The following TECPR2 variants were observed in gnomAD, a reference collection of about 807,000 sequenced individuals.
TECPR2 encodes tectonin beta-propeller repeat-containing protein 2.
TECPR2 carries 65 observed loss-of-function variants against 138.1 expected under a neutral mutation model. The ratio of observed to expected loss-of-function variants is 0.47; its 90% confidence interval spans 0.39 to 0.58. The LOEUF (loss-of-function observed/expected upper bound fraction) is 0.58, where lower values mean the gene tolerates loss of function less well. Among genes scored for constraint, TECPR2 ranks in the 20% least tolerant of loss-of-function variants. The pLI is 0.00. For missense variants in TECPR2, 1,553 were observed against 1,824.5 expected, an observed-to-expected ratio of 0.85 and a Z score of 2.71; for synonymous variants, 746 against 749.8, an observed-to-expected ratio of 0.99 and a Z score of 0.08.
intron 2 of TECPR2, among the ~76,000 whole-genome samples, chr14:102,397,200 G>T (rs1192808367): frequency 6.6e-6 from 1 of 152,096 alleles, no homozygotes; most frequent in African/African-American, 2.4e-5. Flanking sequence ...TAAACAAAAA[G>T]AATCACACAC....
At chr14:102,473,852 AT>A (rs1402075078) in intron 17 of TECPR2, among the ~76,000 whole-genome samples, 1 of 152,222 alleles carries the variant, frequency 6.6e-6, no homozygotes, top group African/African-American at 2.4e-5. Context: ...GAAGTTTCAC[AT>A]TCTGTGTGCC....
Position 102,449,663 on chromosome 14 carries a change from G to A in TECPR2, c.3110G>A (p.Cys1037Tyr). 1.2e-6 allele frequency: 2 copies of A among 1,614,188 alleles called. No homozygotes were observed. The highest frequency in any genetic ancestry group is 1.7e-6 in the Non-Finnish European group (2 of 1,180,048). Residue 1037 changes from cysteine (C) to tyrosine (Y), a missense_variant, in exon 14 of 20, where the codon TGC becomes TAC. Coordinates refer to ENST00000359520, the MANE Select transcript of TECPR2 (RefSeq NM_014844.5). Reference sequence around the variant, plus strand: ...ACGGACTATGTGGTGTTTGACCAGTGCAGCTTATTTCAGACGATAATCCAT... The same window carrying A: ...ACGGACTATGTGGTGTTTGACCAGTACAGCTTATTTCAGACGATAATCCAT... ...SITDYVVFDQ[C>Y]SLFQTIIHAT...
chr14:102,415,580 G>A lies in TECPR2; in HGVS notation c.638+787G>A, dbSNP rs1292978116. 6.6e-6 allele frequency among the ~76,000 whole-genome samples: 1 copy of A among 152,130 alleles called. No homozygotes were observed. Among genetic ancestry groups the A allele is most frequent in the Admixed American group, 6.5e-5 (1 of 15,278 alleles). The stretch of plus-strand genomic sequence containing the variant: ...TTGCGTGGGGATGGGGTGAGGAGGG[G>A]TAGGTAGAGCAGTGGAGCTGACCCC... On this transcript the variant is annotated intron_variant, in intron 5 of 19. Coordinates refer to ENST00000359520, the MANE Select transcript of TECPR2 (RefSeq NM_014844.5). This position sits in a 1 kb window ranked among gnomAD's most constrained non-coding sequence, Gnocchi z 4.3.
At chr14:102,477,269 C>T (rs1431383957) in intron 17 of TECPR2, among the ~76,000 whole-genome samples, 2 of 151,730 alleles carry the variant, frequency 1.3e-5, no homozygotes, top group Non-Finnish European at 2.9e-5. Context: ...ACTTGGGAAG[C>T]TGAAGCAGGA....
chr14:102,488,303 G>A (rs966397415), intron 17 of TECPR2, among the ~76,000 whole-genome samples: 3 of 149,760 alleles, frequency 2.0e-5, no homozygotes, highest in Non-Finnish European at 3.0e-5. Context: ...ATAGGTGTAA[G>A]CCACTGTGCT....
At chr14:102,439,692 C>A (rs17791446) in intron 10 of TECPR2, among the ~76,000 whole-genome samples, 4,159 of 152,328 alleles carry the variant, frequency 0.027, 77 homozygotes, top group Middle Eastern at 0.088. Context: ...GGGCCCAGTC[C>A]CATGTCCTTG....
chr14:102,434,718 GC>G lies in TECPR2; in HGVS notation c.1906del (p.Gln636LysfsTer10). 1 of 1,613,624 alleles carries G rather than the reference GC, an allele frequency of 6.2e-7. No homozygotes were observed. The highest frequency in any genetic ancestry group is 8.5e-7 in the Non-Finnish European group (1 of 1,180,000). On this transcript the variant is annotated frameshift_variant, in exon 9 of 20. Transcript: ENST00000359520. LOFTEE classifies it high-confidence loss of function. ...GATGGGGAAGACATCCAACCCATTG[GC>G]CCCCAAAGCACTTTTTGTGAAGTCC... Reference protein sequence around the residue: ...AHDGEDIQPIGPQSTFCEVPL... With the variant: ...AHDGEDIQPIXPQSTFCEVPL...
chr14:102,437,293 T>C, intron 9 of TECPR2: 1 of 786,040 alleles, frequency 1.3e-6, no homozygotes, highest in Non-Finnish European at 1.5e-6. Context: ...ACGCCTGTAA[T>C]CCCAGCACTT....
At chr14:102,418,596 G>A (rs566816511) in intron 5 of TECPR2, among the ~76,000 whole-genome samples, 87 of 150,100 alleles carry the variant, frequency 5.8e-4, no homozygotes, top group African/African-American at 1.7e-3. Context: ...GCCCCCTCCC[G>A]TCGGCTTTGT....
At chr14:102,366,446 A>G (rs549996408) in intron 1 of TECPR2, among the ~76,000 whole-genome samples, 1 of 152,272 alleles carries the variant, frequency 6.6e-6, no homozygotes, top group East Asian at 1.9e-4. Flanking sequence ...TCCCAGGTTC[A>G]AGTGATTCTC....
At chr14:102,493,770 G>A (rs1047557932) in intron 17 of TECPR2, among the ~76,000 whole-genome samples, 1 of 152,220 alleles carries the variant, frequency 6.6e-6, no homozygotes, top group African/African-American at 2.4e-5. Flanking sequence ...GGGCTGCGGT[G>A]ACCCTGCAGC....
chr14:102,377,021 A>G, intron 2 of TECPR2, 81 bp downstream of exon 2: 2 of 1,437,704 alleles, frequency 1.4e-6, no homozygotes, highest in Non-Finnish European at 1.9e-6. Context: ...GGATGAGATA[A>G]TTTACTTCTG....
At chr14:102,441,713 G>A (rs1368458184) in intron 11 of TECPR2, among the ~76,000 whole-genome samples, 1 of 151,972 alleles carries the variant, frequency 6.6e-6, no homozygotes, top group Non-Finnish European at 1.5e-5. Flanking sequence ...AACAAAAATA[G>A]CAGTTCAGCA....
At chr14:102,452,152 GC>G (rs1384169214) in intron 15 of TECPR2, among the ~76,000 whole-genome samples, 1 of 152,200 alleles carries the variant, frequency 6.6e-6, no homozygotes, top group Non-Finnish European at 1.5e-5. Context: ...CCTAAGCCTT[GC>G]CTTCTTTCCA....
rs79883179 is a variant in TECPR2 at position 102,415,344 on chromosome 14, C to T, written c.638+551C>T. On this transcript the variant is annotated intron_variant, in intron 5 of 19. Coordinates refer to ENST00000359520, the MANE Select transcript of TECPR2 (RefSeq NM_014844.5). The surrounding 1 kb of genome is among the most constrained non-coding windows in gnomAD (Gnocchi z 4.3). ...TGTGTGAGTTTAGACACACTTTTGT[C>T]CAGGTGAAGGGTCAGGGAAGACATC... 0.014 allele frequency among the ~76,000 whole-genome samples: 2,154 copies of T among 152,256 alleles called. 23 individuals carry two copies. The highest frequency in any genetic ancestry group is 0.027 in the Middle Eastern group (8 of 294).
chr14:102,409,919 C>T (rs749586791), intron 4 of TECPR2, among the ~76,000 whole-genome samples: 4 of 152,240 alleles, frequency 2.6e-5, no homozygotes, highest in South Asian at 4.1e-4. Flanking sequence ...ATTCTCATGC[C>T]TCAGCCTCCC....
Position 102,497,003 on chromosome 14 carries a change from G to T in TECPR2, c.3814G>T (p.Val1272Phe), listed in dbSNP as rs749559735. ...VQPAGVSLVS[V>F]HSSPNDQMLW... ...GCCCGCCGGGGTCAGCTTGGTCAGCGTCCATTCCAGCCCCAACGACCAGAT... is the reference window on the plus strand; with the variant it reads ...GCCCGCCGGGGTCAGCTTGGTCAGCTTCCATTCCAGCCCCAACGACCAGAT... Residue 1272 changes from valine (V) to phenylalanine (F), a missense_variant, in exon 18 of 20, where the codon GTC (valine) becomes TTC (phenylalanine). Val to Phe is a conservative substitution (Grantham distance 50, BLOSUM62 -1). Transcript: ENST00000359520. 6.2e-7 allele frequency: 1 copy of T among 1,613,944 alleles called. No individual in the cohort carries two copies. The highest frequency in any genetic ancestry group is 1.6e-4 in the Middle Eastern group (1 of 6,062).
intron 17 of TECPR2, among the ~76,000 whole-genome samples, chr14:102,474,372 G>A (rs1890711038): frequency 6.6e-6 from 1 of 151,902 alleles, no homozygotes. Context: ...TGCCTGTAAT[G>A]CCAGCACTTT....
chr14:102,498,010 A>G, intron 19 of TECPR2, 93 bp from the exon 20 acceptor site: 1 of 817,976 alleles, frequency 1.2e-6, no homozygotes, highest in Non-Finnish European at 1.8e-6. Flanking sequence ...GAATGTGGCA[A>G]GCCCAGACCT....
Sources: allele counts gnomAD v4.1 joint callset (sites outside exome capture counted in the v4.1 genomes callset), GRCh38; gene constraint gnomAD v4.1.1; non-coding constraint Gnocchi (gnomAD v3.1); transcripts MANE v1.5; gene names NCBI Gene and HGNC (gene_info 2026-07-23, HGNC 2026-07-21).